Variants in CCDC178 observed in about 807,000 individuals in gnomAD.
The protein encoded by CCDC178 is coiled-coil domain containing 178.
A neutral mutation model predicts 117.4 loss-of-function variants in CCDC178; 126 were observed. That is an observed-to-expected ratio of 1.07 (90% CI 0.93 to 1.24). The LOEUF (loss-of-function observed/expected upper bound fraction) is 1.24, where lower values mean the gene tolerates loss of function less well. Ranked by LOEUF, CCDC178 falls within the 50% of genes most tolerant of loss-of-function variation. The probability of loss-of-function intolerance (pLI) is 0.00; values close to 1 mark genes in which losing one functional copy is unlikely to be tolerated. For missense variants in CCDC178, 1,030 were observed against 986.9 expected (o/e 1.04, Z -0.59); for synonymous variants, 283 against 313.4 (o/e 0.90, Z 1.02).
At chr18:33,248,514 G>A (rs543138768) in intron 14 of CCDC178, among the ~76,000 whole-genome samples, 1 of 150,360 alleles carries the variant, frequency 6.7e-6, no homozygotes, top group East Asian at 2.0e-4. Context: ...GAGAACATGT[G>A]GTGTTTGGTT....
intron 21 of CCDC178, among the ~76,000 whole-genome samples, chr18:33,085,275 T>A (rs1357354817): frequency 1.3e-5 from 2 of 152,184 alleles, no homozygotes; most frequent in Admixed American, 6.5e-5. Flanking sequence ...TTAAAACGTA[T>A]TTTTGGGGCC....
At chr18:33,285,164 T>C (rs941864849) in intron 12 of CCDC178, among the ~76,000 whole-genome samples, 1 of 151,978 alleles carries the variant, frequency 6.6e-6, no homozygotes, top group Non-Finnish European at 1.5e-5. Flanking sequence ...CAATTAGAAA[T>C]AACATAACAG....
chr18:33,040,457 A>G (rs990879931), intron 21 of CCDC178, among the ~76,000 whole-genome samples: 7 of 152,028 alleles, frequency 4.6e-5, no homozygotes, highest in Non-Finnish European at 1.0e-4. Context: ...AACTATCATT[A>G]AAATGTAATA....
intron 21 of CCDC178, among the ~76,000 whole-genome samples, chr18:32,984,962 T>C (rs1465507344): frequency 6.6e-6 from 1 of 151,976 alleles, no homozygotes; most frequent in Non-Finnish European, 1.5e-5. Flanking sequence ...TTATGAGCTG[T>C]GGTTGAGCAA....
chr18:33,272,697 C>T (rs1486402708), intron 12 of CCDC178, among the ~76,000 whole-genome samples: 2 of 151,286 alleles, frequency 1.3e-5, no homozygotes, highest in South Asian at 2.1e-4. Flanking sequence ...TTATAGACCA[C>T]GATGAAGTGA....
chr18:33,408,395 T>C (rs1483235061), intron 3 of CCDC178, among the ~76,000 whole-genome samples: 1 of 151,892 alleles, frequency 6.6e-6, no homozygotes, highest in African/African-American at 2.4e-5. Context: ...AAAATTACAT[T>C]GAGAAGAAAG....
At chr18:33,074,186 T>TTA (rs974799968) in intron 21 of CCDC178, among the ~76,000 whole-genome samples, 17 of 151,626 alleles carry the variant, frequency 1.1e-4, no homozygotes, top group African/African-American at 1.9e-4. Flanking sequence ...AATTATGATT[T>TTA]TATATATATA....
rs574880585 is a variant in CCDC178 at position 33,037,909 on chromosome 18, T to G, written c.2388+54852A>C. The stretch of plus-strand genomic sequence containing the variant: ...GCAACATTATTGCCATAATAGAAAT[T>G]CTTTCTACTGCAATCAATCTATAAA... On this transcript the variant is annotated intron_variant, in intron 21 of 22. Transcript: ENST00000383096. 5.8e-4 allele frequency among the ~76,000 whole-genome samples: 88 copies of G among 152,080 alleles called. 1 individual carries two copies. The highest frequency in any genetic ancestry group is 2.0e-3 in the African/African-American group (82 of 41,534).
chr18:32,974,879 G>A (rs1259679394), intron 21 of CCDC178, among the ~76,000 whole-genome samples, 198 bp from the exon 22 acceptor site: 1 of 152,136 alleles, frequency 6.6e-6, no homozygotes, highest in Non-Finnish European at 1.5e-5. Flanking sequence ...AGTCACATCT[G>A]GCCGCCAGGA....
intron 21 of CCDC178, among the ~76,000 whole-genome samples, chr18:32,994,619 A>G (rs1442319719): frequency 6.6e-6 from 1 of 152,198 alleles, no homozygotes; most frequent in Admixed American, 6.5e-5. Flanking sequence ...TTGAACAGAA[A>G]AGCCTCCAAG....
rs74647666 is a variant in CCDC178 at position 33,082,125 on chromosome 18, A to C, written c.2388+10636T>G. Among the ~76,000 whole-genome samples the C allele has an allele frequency of 4.4e-3, 663 of 152,278 alleles. 5 individuals are homozygous for C. Among genetic ancestry groups the C allele is most frequent in the African/African-American group, 0.015 (635 of 41,554 alleles). On this transcript the variant is annotated intron_variant, in intron 21 of 22. Coordinates refer to ENST00000383096, the MANE Select transcript of CCDC178 (RefSeq NM_001105528.4). ...AGTGAATTAGTTGAGGAACCTCCCAAAATCAATTAATTTCTTTTAATAGAA... is the reference window on the plus strand; with the variant it reads ...AGTGAATTAGTTGAGGAACCTCCCACAATCAATTAATTTCTTTTAATAGAA...
chr18:33,404,431 A>G (rs1207896902), intron 3 of CCDC178, among the ~76,000 whole-genome samples: 141 of 152,240 alleles, frequency 9.3e-4, no homozygotes, highest in Non-Finnish European at 3.2e-4. Context: ...CTATAATAAT[A>G]AAGTAAAAAC....
Position 33,323,630 on chromosome 18 carries a change from T to G in CCDC178, c.883A>C (p.Met295Leu), listed in dbSNP as rs772151254. ...KNHYKKKMEV[M>L]DLHRKVNEEL... ...TCATTAACTTTTCTGTGTAGGTCCA[T>G]TACCTAGAAATGAAAATATTTTTGC... Residue 295 changes from methionine (M) to leucine (L), a missense_variant, in exon 11 of 23, where the codon ATG (methionine) becomes CTG (leucine). By Grantham distance (15) the Met-to-Leu change is conservative. Coordinates refer to ENST00000383096, the MANE Select transcript of CCDC178 (RefSeq NM_001105528.4). 13 of 1,494,012 alleles carry G rather than the reference T, an allele frequency of 8.7e-6. No individual in the cohort carries two copies. The highest frequency in any genetic ancestry group is 9.8e-6 in the Non-Finnish European group (11 of 1,123,040). 92.5% of individuals were successfully genotyped at this position (1,494,012 alleles called of 1,614,324 possible).
intron 22 of CCDC178, among the ~76,000 whole-genome samples, chr18:32,938,755 G>A (rs1476080910): frequency 6.6e-6 from 1 of 152,090 alleles, no homozygotes; most frequent in African/African-American, 2.4e-5. Context: ...CAAGGGCAAA[G>A]GCAACAACAC....
chr18:33,398,075 G>A (rs1408658044), intron 3 of CCDC178, among the ~76,000 whole-genome samples: 1 of 151,926 alleles, frequency 6.6e-6, no homozygotes, highest in Non-Finnish European at 1.5e-5. Context: ...TTTTAAAAAT[G>A]AGCAATAATA....
At chr18:33,091,517 A>G (rs2057465777) in intron 21 of CCDC178, among the ~76,000 whole-genome samples, 1 of 151,114 alleles carries the variant, frequency 6.6e-6, no homozygotes, top group Non-Finnish European at 1.5e-5. Context: ...TTGTATTTTT[A>G]GTGGAGGCAG....
At chr18:32,996,023 A>G (rs1230479415) in intron 21 of CCDC178, among the ~76,000 whole-genome samples, 1 of 151,856 alleles carries the variant, frequency 6.6e-6, no homozygotes, top group Non-Finnish European at 1.5e-5. Context: ...AATAAAGTGC[A>G]AAGTCAAATA....
At chr18:33,161,064 C>A (rs1458544325) in intron 20 of CCDC178, among the ~76,000 whole-genome samples, 2 of 151,912 alleles carry the variant, frequency 1.3e-5, no homozygotes, top group African/African-American at 4.8e-5. Context: ...AAAAATAGAT[C>A]AACTGTTCTA....
chr18:32,998,947 A>G (rs1373831088), intron 21 of CCDC178, among the ~76,000 whole-genome samples: 1 of 151,960 alleles, frequency 6.6e-6, no homozygotes, highest in African/African-American at 2.4e-5. Flanking sequence ...CTGCTTGAGA[A>G]AAGGAGAGGG....
Sources: allele counts gnomAD v4.1 joint callset (sites outside exome capture counted in the v4.1 genomes callset), GRCh38; gene constraint gnomAD v4.1.1; transcripts MANE v1.5; gene names NCBI Gene and HGNC (gene_info 2026-07-23, HGNC 2026-07-21).